The following ACSM1 variants were observed in gnomAD, a reference collection of about 807,000 sequenced individuals.
ACSM1 encodes the protein acyl-coenzyme A synthetase ACSM1, mitochondrial.
ACSM1 carries 79 observed loss-of-function variants against 75.8 expected under a neutral mutation model. That is an observed-to-expected ratio of 1.04 (90% CI 0.87 to 1.26). The LOEUF (loss-of-function observed/expected upper bound fraction) is 1.26, where lower values mean the gene tolerates loss of function less well. Ranked by LOEUF, ACSM1 falls within the 50% of genes most tolerant of loss-of-function variation. The pLI, the probability that ACSM1 is intolerant of heterozygous loss-of-function variation, is 0.00. For synonymous variants in ACSM1, 279 were observed against 265.8 expected, an observed-to-expected ratio of 1.05 and a Z score of -0.48; for missense variants, 676 against 720.1, an observed-to-expected ratio of 0.94 and a Z score of 0.70.
chr16:20,655,303 C>T (rs144783755), intron 7 of ACSM1, among the ~76,000 whole-genome samples: 313 of 150,696 alleles, frequency 2.1e-3, no homozygotes, highest in Middle Eastern at 6.9e-3. Flanking sequence ...ATGTAGATGA[C>T]GAGTTAATGG....
chr16:20,637,226 C>T (rs1196520442), intron 9 of ACSM1, 145 bp downstream of exon 9: 7 of 806,794 alleles, frequency 8.7e-6, no homozygotes, highest in Non-Finnish European at 1.6e-5. Flanking sequence ...ACTGAGGCCT[C>T]CATATGAAAC....
At chr16:20,627,360 G>C in intron 10 of ACSM1, 44 bp from the exon 11 acceptor site, 7 of 1,534,664 alleles carry the variant, frequency 4.6e-6, no homozygotes, top group Non-Finnish European at 6.1e-6. Flanking sequence ...AGTGAATTTA[G>C]AGGTGATGAG....
At chr16:20,637,082 CA>C (rs1324536131) in intron 9 of ACSM1, 63 of 749,926 alleles carry the variant, frequency 8.4e-5, no homozygotes, top group Admixed American at 1.4e-4. Flanking sequence ...AAACAGTGAT[CA>C]AAAAAAATGA....
chr16:20,669,929 T>C lies in ACSM1; in HGVS notation c.810A>G (p.Gly270=), dbSNP rs2019801572. ...GGGTCCAAATGGTAGCCACAATCCATCCTGAGTCCGACAGGCACCAGGAGA... is the reference window on the plus strand; with the variant it reads ...GGGTCCAAATGGTAGCCACAATCCACCCTGAGTCCGACAGGCACCAGGAGA... ...SDVSWCLSDS[G]WIVATIWTLV... The change falls in exon 6 of 14, where the codon GGA becomes GGG. Residue 270 remains glycine (G), a synonymous_variant. Transcript: ENST00000520010. 1 of 1,613,792 alleles carries C rather than the reference T, an allele frequency of 6.2e-7. No individual in the cohort carries two copies.
At chr16:20,661,013 A>G (rs163274) in intron 7 of ACSM1, among the ~76,000 whole-genome samples, 69,990 of 152,044 alleles carry the variant, frequency 0.46, 18,971 homozygotes, top group East Asian at 0.85. Flanking sequence ...GGAAGATAGT[A>G]TGGTATTGTG....
chr16:20,685,032 C>T (rs991320134), intron 3 of ACSM1, among the ~76,000 whole-genome samples, 161 bp downstream of exon 3: 4 of 152,196 alleles, frequency 2.6e-5, no homozygotes, highest in East Asian at 1.9e-4. Context: ...TGATAATTCC[C>T]ACAGGGCAGG....
At chr16:20,664,484 G>T (rs1360362678) in intron 6 of ACSM1, among the ~76,000 whole-genome samples, 1 of 152,118 alleles carries the variant, frequency 6.6e-6, no homozygotes, top group Non-Finnish European at 1.5e-5. Flanking sequence ...CACACCAAAT[G>T]TTGGAACACC....
intron 5 of ACSM1, 91 bp downstream of exon 5, chr16:20,671,440 G>GAC (rs55913255): frequency 0.13 from 120,569 of 964,334 alleles, 2,931 homozygotes; most frequent in African/African-American, 0.25. Flanking sequence ...CCTTTCCCAA[G>GAC]ACACACACAC....
intron 10 of ACSM1, among the ~76,000 whole-genome samples, chr16:20,627,830 C>CTA (rs1341367255): frequency 2.8e-5 from 2 of 70,436 alleles, no homozygotes; most frequent in Non-Finnish European, 4.7e-5. Context: ...CTTCATCTCT[C>CTA]TCTCTCTCTC....
intron 7 of ACSM1, among the ~76,000 whole-genome samples, chr16:20,653,426 A>C (rs1203632551): frequency 2.0e-5 from 3 of 152,224 alleles, no homozygotes; most frequent in Admixed American, 6.5e-5. Flanking sequence ...GGAGAAAGAA[A>C]TGAAGGCTAT....
chr16:20,626,924 C>T (rs1163519241), intron 11 of ACSM1, among the ~76,000 whole-genome samples: 1 of 152,000 alleles, frequency 6.6e-6, no homozygotes, highest in East Asian at 1.9e-4. Flanking sequence ...CTTCTCAATT[C>T]CACTCCCCCC....
intron 7 of ACSM1, among the ~76,000 whole-genome samples, chr16:20,649,938 T>C (rs931159696): frequency 1.3e-5 from 2 of 152,208 alleles, no homozygotes; most frequent in African/African-American, 4.8e-5. Flanking sequence ...ATTCACTCTT[T>C]GTCAACAATA....
intron 6 of ACSM1, among the ~76,000 whole-genome samples, chr16:20,665,364 A>G (rs2019513247): frequency 6.6e-6 from 1 of 152,208 alleles, no homozygotes; most frequent in Non-Finnish European, 1.5e-5. Context: ...GACTATTATG[A>G]ACACACTGAT....
Position 20,627,304 on chromosome 16 carries a change from T to C in ACSM1, c.1312A>G (p.Lys438Glu). ...TCCCCACATTCCACTTTAGCTGTCTTCTCTGGGTCACCCTGCAAAAAGAAG... is the reference window on the plus strand; with the variant it reads ...TCCCCACATTCCACTTTAGCTGTCTCCTCTGGGTCACCCTGCAAAAAGAAG... ...LFMCYEGDPE[K>E]TAKVECGDFY... The change falls in exon 11 of 14, where the codon AAG becomes GAG. Residue 438 changes from lysine (K) to glutamate (E), a missense_variant. Coordinates refer to ENST00000520010, the MANE Select transcript of ACSM1 (RefSeq NM_001318890.3). 1 of 1,575,158 alleles carries C rather than the reference T, an allele frequency of 6.3e-7. No individual in the cohort carries two copies. Among genetic ancestry groups the C allele is most frequent in the African/African-American group, 1.4e-5 (1 of 72,550 alleles).
chr16:20,665,078 C>A (rs574200923), intron 6 of ACSM1, among the ~76,000 whole-genome samples: 2 of 151,956 alleles, frequency 1.3e-5, no homozygotes, highest in Non-Finnish European at 2.9e-5. Context: ...AATATCACTT[C>A]TAGAGGAACT....
intron 7 of ACSM1, among the ~76,000 whole-genome samples, chr16:20,647,158 T>C (rs1243407612): frequency 1.3e-5 from 2 of 152,204 alleles, no homozygotes; most frequent in African/African-American, 4.8e-5. Flanking sequence ...TTTACTAACA[T>C]GGAGGTGAGG....
chr16:20,652,409 G>A (rs1482605247), intron 7 of ACSM1, among the ~76,000 whole-genome samples: 1 of 151,666 alleles, frequency 6.6e-6, no homozygotes, highest in Non-Finnish European at 1.5e-5. Context: ...TATAAAGAAA[G>A]TTATAAAAAT....
At chr16:20,682,864 T>C (rs1172974398) in intron 3 of ACSM1, among the ~76,000 whole-genome samples, 2 of 152,192 alleles carry the variant, frequency 1.3e-5, no homozygotes, top group African/African-American at 2.4e-5. Context: ...CCTTTTCCCC[T>C]TTCTGTCATT....
chr16:20,645,627 A>T (rs2018318118), intron 7 of ACSM1, among the ~76,000 whole-genome samples: 1 of 152,188 alleles, frequency 6.6e-6, no homozygotes, highest in African/African-American at 2.4e-5. Context: ...CTGCAGCCTG[A>T]GAGTTTGGTG....
Sources: gnomAD v4.1 joint callset for allele counts (sites outside exome capture counted in the v4.1 genomes callset) on GRCh38, gnomAD v4.1.1 for gene constraint, MANE v1.5 for transcripts, NCBI Gene and HGNC (gene_info 2026-07-23, HGNC 2026-07-21) for gene names.